VEPH1: variants seen among roughly 807,000 people sequenced by gnomAD.
VEPH1 encodes ventricular zone expressed PH domain containing 1.
A neutral mutation model predicts 85.2 loss-of-function variants in VEPH1; 80 were observed. The ratio of observed to expected loss-of-function variants is 0.94; its 90% CI spans 0.78 to 1.13. The LOEUF is 1.13. Ranked by LOEUF, VEPH1 falls within the 50% of genes most tolerant of loss-of-function variation. VEPH1 has a pLI of 0.00. For missense variants in VEPH1, 955 were observed against 980.5 expected (o/e 0.97, Z 0.35); for synonymous variants, 297 against 348.0 (o/e 0.85, Z 1.63).
At chr3:157,331,654 A>G (rs1722517347) in intron 9 of VEPH1, among the ~76,000 whole-genome samples, 1 of 152,246 alleles carries the variant, frequency 6.6e-6, no homozygotes, top group African/African-American at 2.4e-5. Context: ...TTGCACTGAG[A>G]GAGAATTACA....
chr3:157,399,084 G>A (rs1428912442), intron 6 of VEPH1, among the ~76,000 whole-genome samples: 2 of 152,014 alleles, frequency 1.3e-5, no homozygotes, highest in South Asian at 4.1e-4. Flanking sequence ...TATTACTTGA[G>A]TATCAAAAAT....
In VEPH1 at chr3:157,260,879, C is replaced by A; in HGVS notation, c.*255G>T. 1 of 432,310 alleles carries A rather than the reference C, an allele frequency of 2.3e-6. No homozygotes were observed. The highest frequency in any genetic ancestry group is 4.0e-6 in the Non-Finnish European group (1 of 248,228). The allele number at this position is 432,310 out of a possible 1,614,324, so 26.8% of individuals were successfully genotyped here. The stretch of plus-strand genomic sequence containing the variant: ...TTCCTGGCCCCACACTATCTGAGGG[C>A]ATACTCTGTAGCTCCTTTTATTTTA... On this transcript the variant is annotated 3_prime_UTR_variant, in exon 14 of 14. Coordinates refer to ENST00000362010, the MANE Select transcript of VEPH1 (RefSeq NM_001167912.2).
chr3:157,392,347 C>G (rs958289094), intron 6 of VEPH1, among the ~76,000 whole-genome samples: 7 of 152,194 alleles, frequency 4.6e-5, no homozygotes, highest in Non-Finnish European at 7.3e-5. Context: ...GGGAATTCCT[C>G]TTTTTAAAAC....
intron 9 of VEPH1, among the ~76,000 whole-genome samples, chr3:157,355,117 A>G (rs1559986760): frequency 2.0e-5 from 3 of 152,146 alleles, no homozygotes; most frequent in African/African-American, 7.2e-5. Context: ...TTCCTTCTCC[A>G]GGGAAGCTAC....
At chr3:157,378,351 T>G (rs1022810806) in intron 7 of VEPH1, among the ~76,000 whole-genome samples, 1 of 78,550 alleles carries the variant, frequency 1.3e-5, no homozygotes, top group African/African-American at 4.8e-5. Context: ...TATATATATA[T>G]ATATATAGTA....
At chr3:157,432,156 A>G (rs2109142940) in intron 4 of VEPH1, among the ~76,000 whole-genome samples, 1 of 152,132 alleles carries the variant, frequency 6.6e-6, no homozygotes, top group South Asian at 2.1e-4. Context: ...CCCTTTTCAT[A>G]TATTTATAGG....
chr3:157,466,924 A>G lies in VEPH1; in HGVS notation c.354+3390T>C, dbSNP rs557225257. Among the ~76,000 whole-genome samples the G allele has an allele frequency of 2.6e-5, 4 of 152,366 alleles. No individual in the cohort carries two copies. The South Asian group carries it at 8.3e-4, about 32-fold the overall frequency. The stretch of plus-strand genomic sequence containing the variant: ...ACCGATTTTGTATTGAGTTTCCTCA[A>G]TACAAAATCAGTAGAAGGTGAGTTC... On this transcript the variant is annotated intron_variant, in intron 3 of 13. Transcript: ENST00000362010.
intron 6 of VEPH1, among the ~76,000 whole-genome samples, chr3:157,383,767 G>A (rs1729014642): frequency 6.6e-6 from 1 of 152,184 alleles, no homozygotes; most frequent in Admixed American, 6.6e-5. Context: ...AAAGAATAAT[G>A]TTAGATGAAT....
chr3:157,294,124 G>C (rs13321401), intron 11 of VEPH1, among the ~76,000 whole-genome samples: 7,960 of 152,206 alleles, frequency 0.052, 249 homozygotes, highest in South Asian at 0.087. Context: ...TGATGTTAAA[G>C]AGCTAATTTG....
chr3:157,311,704 AT>A (rs199601392), intron 11 of VEPH1, among the ~76,000 whole-genome samples: 17 of 151,672 alleles, frequency 1.1e-4, no homozygotes, highest in African/African-American at 3.4e-4. Context: ...TTTGCCAAGT[AT>A]TTTTTTTTAA....
At chr3:157,485,099 C>T (rs1013286767) in intron 2 of VEPH1, among the ~76,000 whole-genome samples, 12 of 152,224 alleles carry the variant, frequency 7.9e-5, no homozygotes, top group African/African-American at 2.2e-4. Flanking sequence ...GCTGTCATTC[C>T]CCCAATGATT....
At chr3:157,303,695 T>C (rs1266727321) in intron 11 of VEPH1, among the ~76,000 whole-genome samples, 1 of 152,172 alleles carries the variant, frequency 6.6e-6, no homozygotes, top group Non-Finnish European at 1.5e-5. Context: ...AGTCTTCATT[T>C]AGTTTTCCCC....
chr3:157,277,853 CA>C (rs1422045148), intron 12 of VEPH1, among the ~76,000 whole-genome samples: 1 of 152,110 alleles, frequency 6.6e-6, no homozygotes, highest in Non-Finnish European at 1.5e-5. Flanking sequence ...ATATTTGGCA[CA>C]AAAGAGATGC....
Position 157,261,275 on chromosome 3 carries a change from A to T in VEPH1, c.2361T>A (p.Ala787=). ...TTTTATTGTCTGTGAAGATTTCGAA[A>T]GCCCGGGGGAGAGAGCGGTCCCTGC... ...KKRRDRSLPR[A]FEIFTDNKTY... Residue 787 remains alanine (A), a synonymous_variant, in exon 14 of 14, where the codon GCT becomes GCA. Coordinates refer to ENST00000362010, the MANE Select transcript of VEPH1 (RefSeq NM_001167912.2). 6.2e-7 allele frequency: 1 copy of T among 1,613,738 alleles called. No individual in the cohort carries two copies. The highest frequency in any genetic ancestry group is 1.7e-5 in the Admixed American group (1 of 59,954).
rs1236308325 is a variant in VEPH1, at chr3:157,364,294, G to A, written c.1337+9C>T. 1.4e-5 allele frequency: 19 copies of A among 1,378,038 alleles called. No homozygotes were observed. The highest frequency in any genetic ancestry group is 1.8e-5 in the Non-Finnish European group (19 of 1,045,100). 85.4% of individuals were successfully genotyped at this position (1,378,038 alleles called of 1,614,324 possible). The stretch of plus-strand genomic sequence containing the variant: ...GTATGATTTAAAAAACAAACCAAAC[G>A]AGTTATACCTGTTAAATCTAATGTT... On this transcript the variant is annotated intron_variant, in intron 8 of 13. Coordinates refer to ENST00000362010, the MANE Select transcript of VEPH1 (RefSeq NM_001167912.2).
intron 4 of VEPH1, among the ~76,000 whole-genome samples, chr3:157,455,380 G>C (rs963573871): frequency 6.6e-6 from 1 of 151,630 alleles, no homozygotes; most frequent in African/African-American, 2.4e-5. Context: ...CTTGTTGACT[G>C]CTTTCATGTC....
intron 12 of VEPH1, among the ~76,000 whole-genome samples, chr3:157,271,774 A>C (rs55734537): frequency 6.6e-6 from 1 of 151,978 alleles, no homozygotes; most frequent in Non-Finnish European, 1.5e-5. Context: ...GAGAGATGGA[A>C]AACAGAAGCG....
intron 4 of VEPH1, among the ~76,000 whole-genome samples, chr3:157,448,118 G>T (rs1232615037): frequency 6.6e-6 from 1 of 151,642 alleles, no homozygotes; most frequent in African/African-American, 2.4e-5. Flanking sequence ...AATGGGGGGG[G>T]GACAATTTTC....
At chr3:157,470,123 G>A (rs536323420) in intron 3 of VEPH1, among the ~76,000 whole-genome samples, 191 bp downstream of exon 3, 1 of 152,254 alleles carries the variant, frequency 6.6e-6, no homozygotes, top group Non-Finnish European at 1.5e-5. Flanking sequence ...AGTGTGTCTT[G>A]CACGTAGCAG....
Sources: allele counts gnomAD v4.1 joint callset (sites outside exome capture counted in the v4.1 genomes callset), GRCh38; gene constraint gnomAD v4.1.1; transcripts MANE v1.5; gene names NCBI Gene and HGNC (gene_info 2026-07-23, HGNC 2026-07-21).